The following PKHD1 variants were observed in gnomAD, a reference collection of about 807,000 sequenced individuals.
The protein encoded by PKHD1 is PKHD1 ciliary IPT domain containing fibrocystin/polyductin.
Under a neutral mutation model 412.0 loss-of-function variants are expected in PKHD1, and 291 were observed. The ratio of observed to expected loss-of-function variants is 0.71; its 90% CI spans 0.64 to 0.78. The LOEUF (loss-of-function observed/expected upper bound fraction) is 0.78. Ranked by LOEUF, PKHD1 falls within the 30% of genes least tolerant of loss-of-function variation. PKHD1 has a pLI of 0.00. For missense variants in PKHD1, 4,825 were observed against 4,950.7 expected (o/e 0.97, Z 0.76); for synonymous variants, 1,777 against 1,821.5 (o/e 0.98, Z 0.62).
At position 51,746,238 on chromosome 6, in the gene PKHD1, A is replaced by T. The variant is rs1037946844; in HGVS notation, c.9998+483T>A. On this transcript the variant is annotated intron_variant, in intron 59 of 66. Transcript: ENST00000371117. ...AGTTCAGAGATTCCTGTCAGCAGAC[A>T]CAATCTCCTTCTATCTACTAGTTCC... Among the ~76,000 whole-genome samples the T allele has an allele frequency of 5.3e-5, 8 of 152,184 alleles. 1 individual carries two copies. The highest frequency in any genetic ancestry group is 1.9e-4 in the African/African-American group (8 of 41,430).
intron 39 of PKHD1, among the ~76,000 whole-genome samples, chr6:51,910,431 G>T (rs1458856590): frequency 1.3e-5 from 2 of 152,094 alleles, no homozygotes; most frequent in Non-Finnish European, 1.5e-5. Flanking sequence ...ATCACAATTT[G>T]ATTATTTGTG....
chr6:51,981,551 G>T (rs868694440), intron 35 of PKHD1, among the ~76,000 whole-genome samples: 5 of 139,662 alleles, frequency 3.6e-5, no homozygotes, highest in Non-Finnish European at 8.1e-5. Flanking sequence ...GCTCCTAGCC[G>T]CGAGTGATCC....
At chr6:52,083,934 G>T (rs1043502168) in intron 2 of PKHD1, among the ~76,000 whole-genome samples, 1 of 151,852 alleles carries the variant, frequency 6.6e-6, no homozygotes, top group African/African-American at 2.4e-5. Flanking sequence ...TAGAGAGGGG[G>T]TGAAGCATGG....
At chr6:52,053,375 C>A (rs1807189005) in intron 20 of PKHD1, 124 bp from the exon 21 acceptor site, 5 of 934,938 alleles carry the variant, frequency 5.3e-6, no homozygotes, top group Admixed American at 2.0e-5. Context: ...ACCCCATGAA[C>A]CCCTGCACCC....
At chr6:51,627,381 A>G (rs1767389182) in intron 65 of PKHD1, among the ~76,000 whole-genome samples, 1 of 152,026 alleles carries the variant, frequency 6.6e-6, no homozygotes, top group Non-Finnish European at 1.5e-5. Context: ...AGTTAAATTG[A>G]GATGTATTGT....
intron 35 of PKHD1, among the ~76,000 whole-genome samples, chr6:51,982,412 G>A (rs190378281): frequency 2.9e-5 from 4 of 135,714 alleles, no homozygotes; most frequent in Non-Finnish European, 1.6e-5. Context: ...ATGGTTGCCG[G>A]GTTTGTGTGG....
At chr6:51,831,608 C>G (rs1768274410) in intron 51 of PKHD1, among the ~76,000 whole-genome samples, 1 of 151,948 alleles carries the variant, frequency 6.6e-6, no homozygotes, top group Non-Finnish European at 1.5e-5. Flanking sequence ...TCTCAATAAC[C>G]CTGATTATCT....
chr6:51,640,284 G>A (rs535680824), intron 63 of PKHD1, among the ~76,000 whole-genome samples: 10 of 152,270 alleles, frequency 6.6e-5, no homozygotes, highest in South Asian at 2.1e-4. Flanking sequence ...AGTTGGCCTC[G>A]TAGAACAGCC....
intron 4 of PKHD1, among the ~76,000 whole-genome samples, chr6:52,081,597 A>C (rs1812044860): frequency 6.6e-6 from 1 of 152,172 alleles, no homozygotes; most frequent in African/African-American, 2.4e-5. Context: ...GATGAATTGC[A>C]CAGAAAAGTG....
intron 55 of PKHD1, among the ~76,000 whole-genome samples, chr6:51,765,833 A>T (rs940609302): frequency 1.1e-4 from 16 of 152,082 alleles, no homozygotes; most frequent in Admixed American, 5.9e-4. Flanking sequence ...CACATAGTAA[A>T]TATTCCTCAG....
chr6:51,840,052 ACCTCCTCTGTTG>A (rs768044349), intron 50 of PKHD1, among the ~76,000 whole-genome samples: 15 of 151,704 alleles, frequency 9.9e-5, no homozygotes, highest in Non-Finnish European at 1.8e-4. Context: ...CCTCTCTGTT[ACCTCCTCTGTTG>A]CCTCCACATC....
intron 37 of PKHD1, among the ~76,000 whole-genome samples, chr6:51,926,340 C>A (rs1785620265): frequency 6.6e-6 from 1 of 152,148 alleles, no homozygotes; most frequent in Admixed American, 6.5e-5. Flanking sequence ...CTGGACTCAG[C>A]TGTGCCTCAA....
chr6:51,985,455 G>A (rs1019732340), intron 35 of PKHD1, among the ~76,000 whole-genome samples: 8 of 152,158 alleles, frequency 5.3e-5, no homozygotes, highest in Non-Finnish European at 7.4e-5. Context: ...CAGGCCGAGC[G>A]CGGTGGCTCA....
intron 65 of PKHD1, among the ~76,000 whole-genome samples, chr6:51,630,759 T>C (rs903807527): frequency 7.2e-5 from 11 of 152,136 alleles, no homozygotes; most frequent in African/African-American, 1.9e-4. Flanking sequence ...ACTTAATAAA[T>C]ATAAAATACA....
chr6:52,078,440 G>A (rs1210075831), intron 5 of PKHD1, among the ~76,000 whole-genome samples: 1 of 152,148 alleles, frequency 6.6e-6, no homozygotes, highest in Non-Finnish European at 1.5e-5. Flanking sequence ...CCTTCTGTGA[G>A]TTATTCAAAC....
intron 35 of PKHD1, among the ~76,000 whole-genome samples, chr6:52,001,072 G>A (rs1798319346): frequency 6.6e-6 from 1 of 151,932 alleles, no homozygotes; most frequent in Admixed American, 6.6e-5. Context: ...ATATTTAATG[G>A]GAAATTCAAA....
intron 37 of PKHD1, among the ~76,000 whole-genome samples, chr6:51,920,504 G>C (rs1373832783): frequency 6.6e-6 from 1 of 152,112 alleles, no homozygotes; most frequent in Admixed American, 6.5e-5. Flanking sequence ...TAAGCTTTTT[G>C]ATGTGCTGCT....
intron 52 of PKHD1, among the ~76,000 whole-genome samples, chr6:51,828,334 G>C (rs1423745708): frequency 6.6e-6 from 1 of 152,020 alleles, no homozygotes; most frequent in Non-Finnish European, 1.5e-5. Flanking sequence ...TGTAAAAACA[G>C]GGATAATAAC....
chr6:52,024,320 G>C (rs1410707173), intron 32 of PKHD1, among the ~76,000 whole-genome samples: 1 of 152,142 alleles, frequency 6.6e-6, no homozygotes, highest in Non-Finnish European at 1.5e-5. Flanking sequence ...TACAAATCCA[G>C]TTAATGCATC....
Sources: gnomAD v4.1 joint callset for allele counts (sites outside exome capture counted in the v4.1 genomes callset) on GRCh38, gnomAD v4.1.1 for gene constraint, MANE v1.5 for transcripts, NCBI Gene and HGNC (gene_info 2026-07-23, HGNC 2026-07-21) for gene names.